Variants in ABCB4 observed in about 807,000 individuals in gnomAD.
The protein encoded by ABCB4 is phosphatidylcholine translocator ABCB4.
In ABCB4, 76 loss-of-function variants were observed where a neutral mutation model predicts 145.7. The observed-to-expected ratio is 0.52, with a 90% confidence interval of 0.43 to 0.63. The LOEUF is 0.63. ABCB4 is among the 30% of genes least tolerant of loss of function. The pLI, the probability that ABCB4 is intolerant of heterozygous loss-of-function variation, is 0.00. For missense variants in ABCB4, 1,234 were observed against 1,553.1 expected, an observed-to-expected ratio of 0.79 and a Z score of 3.45; for synonymous variants, 517 against 566.8, an observed-to-expected ratio of 0.91 and a Z score of 1.25.
Position 87,422,103 on chromosome 7 carries a change from C to A in ABCB4, c.2316+18G>T, listed in dbSNP as rs1809479757. ...TAAATTATAAACTTGATGAGAAAGG[C>A]AAATCATGGGTACCTACCTGAAGGA... On this transcript the variant is annotated intron_variant, in intron 18 of 27. Transcript: ENST00000649586. The A allele has an allele frequency of 6.5e-7, 1 of 1,531,742 alleles. No individual in the cohort carries two copies. The highest frequency in any genetic ancestry group is 9.0e-7 in the Non-Finnish European group (1 of 1,110,150). 94.9% of individuals were successfully genotyped at this position (1,531,742 alleles called of 1,614,324 possible). A position where few individuals can be genotyped will look rare whatever the true frequency, so the allele number is the denominator to read the frequency against.
chr7:87,391,411 CA>C, the ABCB4 span, among the ~76,000 whole-genome samples: 2 of 152,164 alleles, frequency 1.3e-5, no homozygotes, highest in Admixed American at 6.5e-5. Context: ...CCCACATTAT[CA>C]GAGTATTTTT....
intron 3 of ABCB4, among the ~76,000 whole-genome samples, chr7:87,466,849 TGA>T (rs201355913): frequency 0.034 from 5,100 of 152,230 alleles, 310 homozygotes; most frequent in African/African-American, 0.12. Flanking sequence ...AAGCAAATGC[TGA>T]GAGATTTTGT....
At chr7:87,434,509 G>C in intron 14 of ABCB4, among the ~76,000 whole-genome samples, 1 of 152,000 alleles carries the variant, frequency 6.6e-6, no homozygotes, top group Non-Finnish European at 1.5e-5. Context: ...CAGAACTTTG[G>C]GAGGCCGAGG....
intron 25 of ABCB4, among the ~76,000 whole-genome samples, chr7:87,407,730 G>A (rs1808301916): frequency 6.6e-6 from 1 of 152,030 alleles, no homozygotes. Flanking sequence ...GCAGGAGTCT[G>A]TAGTTCACCT....
chr7:87,475,373 G>T lies in ABCB4; in HGVS notation c.80+13C>A, dbSNP rs776934364. 5 of 1,614,046 alleles carry T rather than the reference G, an allele frequency of 3.1e-6. No individual in the cohort carries two copies. The highest frequency in any genetic ancestry group is 4.2e-6 in the Non-Finnish European group (5 of 1,179,968). On this transcript the variant is annotated intron_variant, in intron 2 of 27. Coordinates refer to ENST00000649586, the MANE Select transcript of ABCB4 (RefSeq NM_000443.4). ...GCGTGTAACGGAAAAGCCAGTGGCT[G>T]CTGGGGATGTACCTGCTGATGCCCA...
chr7:87,442,091 A>C (rs1185604631), intron 12 of ABCB4, among the ~76,000 whole-genome samples: 1 of 152,228 alleles, frequency 6.6e-6, no homozygotes, highest in East Asian at 1.9e-4. Flanking sequence ...TTCTGTTAAC[A>C]TATGCTTTCT....
the ABCB4 span, chr7:87,392,895 A>G: frequency 6.2e-7 from 1 of 1,610,836 alleles, no homozygotes; most frequent in Non-Finnish European, 8.5e-7. Context: ...GTTTTTAGAA[A>G]CAATATAAGC....
intron 6 of ABCB4, 115 bp from the exon 7 acceptor site, chr7:87,451,909 T>G: frequency 2.1e-6 from 2 of 946,580 alleles, no homozygotes; most frequent in Non-Finnish European, 1.7e-6. Context: ...GCAAGCCTCT[T>G]TCAGAGTCTT....
At chr7:87,447,736 T>A (rs952406824) in intron 8 of ABCB4, among the ~76,000 whole-genome samples, 1 of 152,242 alleles carries the variant, frequency 6.6e-6, no homozygotes, top group Non-Finnish European at 1.5e-5. Flanking sequence ...TTGACTTTTT[T>A]AAAAATCAGG....
At chr7:87,465,565 C>A (rs998422587) in intron 3 of ABCB4, among the ~76,000 whole-genome samples, 5 of 152,182 alleles carry the variant, frequency 3.3e-5, no homozygotes, top group African/African-American at 1.2e-4. Context: ...GTTCTCCCAG[C>A]ACAGCATTTG....
chr7:87,469,293 T>C (rs921738829), intron 3 of ABCB4, among the ~76,000 whole-genome samples: 9 of 152,220 alleles, frequency 5.9e-5, no homozygotes, highest in Non-Finnish European at 8.8e-5. Context: ...ACTGGAAGCA[T>C]TCCCTTTGAA....
In ABCB4 at chr7:87,409,304, C is replaced by T. The variant is rs531111327; in HGVS notation, c.3013G>A (p.Ala1005Thr). ...PDYAKAKLSA[A>T]HLFMLFERQP... ...CTTTCAAACAGCATGAATAAGTGGG[C>T]TGCAGACAGCTTAGCTTTAGCATAG... Residue 1005 changes from alanine to threonine, a missense_variant, in exon 24 of 28, where the codon GCC becomes ACC. By Grantham distance (58) the Ala-to-Thr change is moderately conservative. Around this residue, in one of 7 missense-constraint regions of ABCB4, gnomAD observed 301 missense variants for 389.0 expected, o/e 0.77. Coordinates refer to ENST00000649586, the MANE Select transcript of ABCB4 (RefSeq NM_000443.4). 1.3e-5 allele frequency: 21 copies of T among 1,614,078 alleles called. No individual in the cohort carries two copies. In the African/African-American group the frequency reaches 2.4e-4, roughly 18 times the overall value.
intron 16 of ABCB4, among the ~76,000 whole-genome samples, chr7:87,424,981 T>C (rs1266565984): frequency 6.6e-6 from 1 of 152,110 alleles, no homozygotes; most frequent in Non-Finnish European, 1.5e-5. Flanking sequence ...AAACAGAGAA[T>C]ATAGAAGTAG....
chr7:87,406,563 T>C, intron 25 of ABCB4, 69 bp from the exon 26 acceptor site: 3 of 1,545,746 alleles, frequency 1.9e-6, no homozygotes, highest in South Asian at 1.1e-5. Context: ...AGTTACTAGA[T>C]TGTCCATTTG....
chr7:87,455,070 T>C (rs1169980622), intron 4 of ABCB4, among the ~76,000 whole-genome samples: 2 of 152,192 alleles, frequency 1.3e-5, no homozygotes, highest in African/African-American at 2.4e-5. Context: ...GTGTTTTTTC[T>C]TTACATGTCT....
chr7:87,423,853 G>T, intron 17 of ABCB4, 53 bp downstream of exon 17: 1 of 1,609,536 alleles, frequency 6.2e-7, no homozygotes, highest in Non-Finnish European at 8.5e-7. Context: ...GGGAGAAGCA[G>T]CAGCTGATGA....
chr7:87,439,544 C>CAGCTCCATGAGGT, intron 14 of ABCB4, 123 bp downstream of exon 14: 1 of 1,141,368 alleles, frequency 8.8e-7, no homozygotes, highest in Non-Finnish European at 1.3e-6. Context: ...GAAATCAATA[C>CAGCTCCATGAGGT]AGCTCCATGA....
At chr7:87,440,838 T>C (rs1810933679) in intron 12 of ABCB4, among the ~76,000 whole-genome samples, 1 of 152,134 alleles carries the variant, frequency 6.6e-6, no homozygotes, top group Admixed American at 6.5e-5. Flanking sequence ...CCTCCCGGGT[T>C]CACACTGTTC....
intron 14 of ABCB4, among the ~76,000 whole-genome samples, chr7:87,437,729 C>T (rs1271659684): frequency 6.6e-6 from 1 of 152,126 alleles, no homozygotes; most frequent in Non-Finnish European, 1.5e-5. Flanking sequence ...AGTTAACGTG[C>T]CCAAGGACAC....
Sources: allele counts gnomAD v4.1 joint callset (sites outside exome capture counted in the v4.1 genomes callset), GRCh38; gene constraint gnomAD v4.1.1; regional missense constraint gnomAD v4.1.1; transcripts MANE v1.5; gene names NCBI Gene and HGNC (gene_info 2026-07-23, HGNC 2026-07-21).